Variants in RASGRF1 observed in about 807,000 individuals in gnomAD.
RASGRF1 encodes ras-specific guanine nucleotide-releasing factor 1.
RASGRF1 carries 40 observed loss-of-function variants against 138.7 expected under a neutral mutation model. That is an observed-to-expected ratio of 0.29 (90% CI 0.22 to 0.38). The LOEUF (loss-of-function observed/expected upper bound fraction) is 0.38. RASGRF1 is among the 10% of genes least tolerant of loss of function. The pLI is 1.00. For synonymous variants in RASGRF1, 614 were observed against 663.2 expected (o/e 0.93, Z 1.14); for missense variants, 1,108 against 1,650.4 (o/e 0.67, Z 5.69).
intron 13 of RASGRF1, 88 bp downstream of exon 13, chr15:79,015,239 G>C: frequency 1.5e-6 from 2 of 1,313,188 alleles, no homozygotes; most frequent in Non-Finnish European, 1.1e-6. Context: ...AACCCCAGTA[G>C]CTGGCTCATC....
chr15:79,089,223 A>G (rs531968708), intron 1 of RASGRF1, among the ~76,000 whole-genome samples: 110 of 152,336 alleles, frequency 7.2e-4, no homozygotes, highest in African/African-American at 2.5e-3. Flanking sequence ...ACCAGCCGTT[A>G]GGCCCTATGG....
chr15:79,040,878 C>T (rs1296981072), intron 5 of RASGRF1, among the ~76,000 whole-genome samples: 1 of 152,228 alleles, frequency 6.6e-6, no homozygotes, highest in African/African-American at 2.4e-5. Context: ...TACCTGATAA[C>T]ATCTTGCAGA....
chr15:78,987,623 G>T (rs1194314905), intron 22 of RASGRF1, among the ~76,000 whole-genome samples: 1 of 152,120 alleles, frequency 6.6e-6, no homozygotes, highest in East Asian at 1.9e-4. Flanking sequence ...TTGAACCCAG[G>T]AGGTGGAGGT....
At chr15:78,979,014 C>T (rs745900141) in intron 24 of RASGRF1, 34 of 1,293,386 alleles carry the variant, frequency 2.6e-5, no homozygotes, top group African/African-American at 7.6e-5. Context: ...GTGGAGGCAG[C>T]GGTGGTGGCG....
intron 3 of RASGRF1, among the ~76,000 whole-genome samples, chr15:79,051,900 G>A (rs1490771720): frequency 6.6e-6 from 1 of 152,192 alleles, no homozygotes; most frequent in Non-Finnish European, 1.5e-5. Flanking sequence ...GATGGTGGTG[G>A]GAGCCCCAGG....
chr15:78,985,172 G>A lies in RASGRF1; in HGVS notation c.3249C>T (p.Arg1083=). Residue 1083 remains arginine, a synonymous_variant, in exon 23 of 27, where the codon CGC becomes CGT. Coordinates refer to ENST00000558480, the MANE Select transcript of RASGRF1 (RefSeq NM_001145648.3). Reference sequence around the variant, plus strand: ...TCACCCTGGCGTTGATGTCCTCATTGCGGATGATTTCTGAAGCAATCAAGT... The same window carrying A: ...TCACCCTGGCGTTGATGTCCTCATTACGGATGATTTCTGAAGCAATCAAGT... The part of the protein sequence containing the change: ...ISNLIASEII[R]NEDINARVSA... The A allele has an allele frequency of 6.2e-7, 1 of 1,612,328 alleles. No individual in the cohort carries two copies. The highest frequency in any genetic ancestry group is 8.5e-7 in the Non-Finnish European group (1 of 1,178,338).
At chr15:78,962,860 G>A (rs1321703505) in intron 26 of RASGRF1, among the ~76,000 whole-genome samples, 4 of 152,134 alleles carry the variant, frequency 2.6e-5, no homozygotes, top group Non-Finnish European at 5.9e-5. Context: ...CCCAGCTTGG[G>A]TACAGACCTT....
At chr15:79,075,995 A>G (rs1410692831) in intron 1 of RASGRF1, among the ~76,000 whole-genome samples, 2 of 152,216 alleles carry the variant, frequency 1.3e-5, no homozygotes, top group Non-Finnish European at 2.9e-5. Flanking sequence ...AGCCCCCACT[A>G]GAAGCCAGAC....
At chr15:79,001,924 T>G (rs1224106105) in intron 15 of RASGRF1, 137 bp from the exon 16 acceptor site, 1 of 539,696 alleles carries the variant, frequency 1.9e-6, no homozygotes, top group Non-Finnish European at 2.7e-6. Flanking sequence ...GAAGAAAGTT[T>G]AACAGCTTTG....
intron 26 of RASGRF1, among the ~76,000 whole-genome samples, chr15:78,962,960 G>A (rs1458433912): frequency 6.6e-6 from 1 of 152,208 alleles, no homozygotes; most frequent in East Asian, 1.9e-4. Context: ...ATGGTACTGT[G>A]AGAGATCCAC....
At chr15:79,029,063 T>C (rs185395866) in intron 8 of RASGRF1, among the ~76,000 whole-genome samples, 10 of 152,398 alleles carry the variant, frequency 6.6e-5, no homozygotes, top group African/African-American at 1.9e-4. Flanking sequence ...GTGATTGTTG[T>C]TGCTATTATC....
chr15:79,055,471 T>G (rs2057498746), intron 3 of RASGRF1, among the ~76,000 whole-genome samples: 1 of 152,134 alleles, frequency 6.6e-6, no homozygotes, highest in Non-Finnish European at 1.5e-5. Context: ...AAGATGGTCC[T>G]TCTTTCAAAG....
intron 1 of RASGRF1, among the ~76,000 whole-genome samples, chr15:79,089,396 C>G (rs972431027): frequency 6.6e-6 from 1 of 152,252 alleles, no homozygotes; most frequent in Non-Finnish European, 1.5e-5. Context: ...GGCTCACCCC[C>G]ACCCCGCCCG....
At chr15:79,005,405 CAGAG>C (rs2056648281) in intron 14 of RASGRF1, 1 of 985,202 alleles carries the variant, frequency 1.0e-6, no homozygotes, top group African/African-American at 1.7e-5. Context: ...GCAGGGCACT[CAGAG>C]AGCCTCTGAG....
chr15:79,046,941 T>C lies in RASGRF1; in HGVS notation c.683A>G (p.Asp228Gly), dbSNP rs989810482. The C allele has an allele frequency of 6.2e-6, 10 of 1,614,060 alleles. No homozygotes were observed. Among genetic ancestry groups the C allele is most frequent in the Non-Finnish European group, 8.5e-6 (10 of 1,180,006 alleles). ...CRRKWKTIIQ[D>G]YIRSPHADSM... ...GTCAGCATGGGGTGACCGGATGTAG[T>C]CCTGGATGATGGTCTTCCACTTCCG... is the stretch of plus-strand genomic sequence containing the variant. Residue 228 changes from aspartate (D) to glycine (G), a missense_variant, in exon 5 of 27, where the codon GAC (aspartate) becomes GGC (glycine). Coordinates refer to ENST00000558480, the MANE Select transcript of RASGRF1 (RefSeq NM_001145648.3). The surrounding 1 kb of genome is among the most constrained non-coding windows in gnomAD (Gnocchi z 5.3).
At chr15:78,986,270 C>T (rs948127959) in intron 22 of RASGRF1, among the ~76,000 whole-genome samples, 1 of 151,558 alleles carries the variant, frequency 6.6e-6, no homozygotes, top group Non-Finnish European at 1.5e-5. Context: ...GCTAGAACAT[C>T]AGGGAATTAG....
chr15:78,979,057 G>A (rs1186830781), intron 24 of RASGRF1: 15 of 1,291,210 alleles, frequency 1.2e-5, no homozygotes, highest in Non-Finnish European at 1.5e-5. Context: ...ATGTGAGGAG[G>A]TGGATGGAGT....
chr15:78,971,870 G>C lies in RASGRF1; in HGVS notation c.3677C>G (p.Ala1226Gly), dbSNP rs1342428625. 1.3e-6 allele frequency: 2 copies of C among 1,577,074 alleles called. No homozygotes were observed. Among genetic ancestry groups the C allele is most frequent in the Non-Finnish European group, 1.7e-6 (2 of 1,146,408 alleles). ...CCAGGAAAAGGCACAGCTTACCTTTGCTTGGTGCTCTATTTTGTAGGCAGT... is the reference window on the plus strand; with the variant it reads ...CCAGGAAAAGGCACAGCTTACCTTTCCTTGGTGCTCTATTTTGTAGGCAGT... ...QQTAYKIEHQ[A>G]KVTQYLLDQS... The change falls in exon 26 of 27, where the codon GCA (alanine) becomes GGA (glycine). Residue 1226 changes from alanine to glycine, a missense_variant. This residue lies in a region of RASGRF1 where 686 missense variants were observed against 976.7 expected (regional missense o/e 0.70). Transcript: ENST00000558480.
intron 20 of RASGRF1, among the ~76,000 whole-genome samples, chr15:78,992,893 C>T (rs1421771728): frequency 6.6e-6 from 1 of 152,192 alleles, no homozygotes; most frequent in Non-Finnish European, 1.5e-5. Flanking sequence ...GCCCTTGCTA[C>T]ACGCTGAGAT....
Sources: allele counts gnomAD v4.1 joint callset (sites outside exome capture counted in the v4.1 genomes callset), GRCh38; gene constraint gnomAD v4.1.1; regional missense constraint gnomAD v4.1.1; non-coding constraint Gnocchi (gnomAD v3.1); transcripts MANE v1.5; gene names NCBI Gene and HGNC (gene_info 2026-07-23, HGNC 2026-07-21).